Variants in PTPRM observed in about 807,000 individuals in gnomAD.
PTPRM encodes receptor-type tyrosine-protein phosphatase mu.
In PTPRM, 47 loss-of-function variants were observed where a neutral mutation model predicts 186.7. The ratio of observed to expected loss-of-function variants is 0.25; its 90% confidence interval spans 0.20 to 0.32. The LOEUF is 0.32. Ranked by LOEUF, PTPRM falls within the 10% of genes least tolerant of loss-of-function variation. The probability of loss-of-function intolerance (pLI) is 1.00; values close to 1 mark genes in which losing one functional copy is unlikely to be tolerated. For missense variants in PTPRM, 1,494 were observed against 1,865.0 expected, an observed-to-expected ratio of 0.80 and a Z score of 3.66; for synonymous variants, 668 against 674.9, an observed-to-expected ratio of 0.99 and a Z score of 0.16.
intron 2 of PTPRM, among the ~76,000 whole-genome samples, chr18:7,854,524 T>C (rs533684930): frequency 2.0e-5 from 3 of 152,178 alleles, no homozygotes; most frequent in Non-Finnish European, 2.9e-5. Context: ...TAGTATAAGA[T>C]ACTGGCAGGT....
At chr18:8,211,380 T>C (rs1287369462) in intron 14 of PTPRM, among the ~76,000 whole-genome samples, 5 of 127,836 alleles carry the variant, frequency 3.9e-5, no homozygotes, top group African/African-American at 1.2e-4. Context: ...TCTTCTTCTT[T>C]TTTTTTTTTT....
intron 14 of PTPRM, among the ~76,000 whole-genome samples, chr18:8,238,651 GTTTTTTTTTTTT>G (rs71165776): frequency 1.2e-4 from 3 of 25,758 alleles, no homozygotes; most frequent in Non-Finnish European, 2.0e-4. Flanking sequence ...TGTTTTGTGT[GTTTTTTTTTTTT>G]TTTTTTTTTT....
chr18:8,354,396 G>A (rs2095552704), intron 23 of PTPRM, among the ~76,000 whole-genome samples: 1 of 151,984 alleles, frequency 6.6e-6, no homozygotes, highest in Non-Finnish European at 1.5e-5. Context: ...AATAGGGCGA[G>A]AACAAAGAGA....
At chr18:8,366,116 G>A (rs776848066) in intron 23 of PTPRM, among the ~76,000 whole-genome samples, 2 of 152,206 alleles carry the variant, frequency 1.3e-5, no homozygotes, top group Non-Finnish European at 2.9e-5. Flanking sequence ...ATTCTAATGT[G>A]CAGGCAAATT....
intron 23 of PTPRM, among the ~76,000 whole-genome samples, chr18:8,367,371 C>A (rs2095637139): frequency 1.3e-5 from 2 of 152,260 alleles, no homozygotes; most frequent in Non-Finnish European, 2.9e-5. Flanking sequence ...TAGAAGGAAG[C>A]GGCCCCGCGC....
At chr18:8,337,748 C>T (rs940874777) in intron 22 of PTPRM, among the ~76,000 whole-genome samples, 3 of 152,084 alleles carry the variant, frequency 2.0e-5, no homozygotes, top group Non-Finnish European at 2.9e-5. Context: ...CTTTAAGTGA[C>T]GCATCAGCAG....
intron 1 of PTPRM, among the ~76,000 whole-genome samples, chr18:7,715,783 A>G (rs985023475): frequency 6.6e-6 from 1 of 152,200 alleles, no homozygotes; most frequent in Non-Finnish European, 1.5e-5. Flanking sequence ...TAAAATACCT[A>G]AGACTCTAAC....
chr18:8,077,256 C>T (rs191575592), intron 9 of PTPRM, among the ~76,000 whole-genome samples: 1 of 152,076 alleles, frequency 6.6e-6, no homozygotes, highest in Non-Finnish European at 1.5e-5. Flanking sequence ...ATGCAAATTC[C>T]ACAAAATTAT....
chr18:8,341,237 A>C (rs929300572), intron 22 of PTPRM, among the ~76,000 whole-genome samples: 1 of 152,220 alleles, frequency 6.6e-6, no homozygotes, highest in Non-Finnish European at 1.5e-5. Context: ...ATCATGTCTT[A>C]ATTTGACTTA....
At chr18:7,676,022 C>T (rs928621524) in intron 1 of PTPRM, among the ~76,000 whole-genome samples, 1 of 152,130 alleles carries the variant, frequency 6.6e-6, no homozygotes, top group Non-Finnish European at 1.5e-5. Flanking sequence ...CAGGTGTGAG[C>T]CACTGTGCCC....
chr18:8,299,294 A>G (rs2095130153), intron 20 of PTPRM, among the ~76,000 whole-genome samples: 2 of 152,180 alleles, frequency 1.3e-5, no homozygotes, highest in South Asian at 2.1e-4. Context: ...ATATTTATTC[A>G]TCACTTTCTT....
chr18:7,773,744 C>A (rs2144963399), intron 1 of PTPRM, among the ~76,000 whole-genome samples: 1 of 152,084 alleles, frequency 6.6e-6, no homozygotes, highest in African/African-American at 2.4e-5. Context: ...TCATGCCCAG[C>A]TAATTTTTGT....
chr18:7,852,109 TAAAC>T (rs1281447160), intron 2 of PTPRM, among the ~76,000 whole-genome samples: 1 of 151,150 alleles, frequency 6.6e-6, no homozygotes, highest in Non-Finnish European at 1.5e-5. Flanking sequence ...AAAGGGGAGA[TAAAC>T]AAAGAACACA....
chr18:7,885,856 T>G (rs2048756967), intron 2 of PTPRM, among the ~76,000 whole-genome samples: 1 of 152,148 alleles, frequency 6.6e-6, no homozygotes, highest in South Asian at 2.1e-4. Flanking sequence ...ATAACAGTTT[T>G]GGAAAACTGG....
At chr18:7,827,313 C>T (rs990179619) in intron 2 of PTPRM, among the ~76,000 whole-genome samples, 1 of 152,182 alleles carries the variant, frequency 6.6e-6, no homozygotes, top group African/African-American at 2.4e-5. Context: ...TATTTTTCTT[C>T]TCATAGCTGT....
intron 14 of PTPRM, among the ~76,000 whole-genome samples, chr18:8,189,031 C>T (rs1018285994): frequency 6.6e-6 from 1 of 151,884 alleles, no homozygotes; most frequent in African/African-American, 2.4e-5. Flanking sequence ...TGAGGCTGGG[C>T]GTGGTGGCTC....
chr18:8,127,852 C>G (rs909790888), intron 13 of PTPRM, among the ~76,000 whole-genome samples: 4 of 152,132 alleles, frequency 2.6e-5, no homozygotes, highest in Admixed American at 6.5e-5. Context: ...GAGGAACATT[C>G]ATGGAAGTGT....
chr18:8,209,060 A>G (rs970290635), intron 14 of PTPRM, among the ~76,000 whole-genome samples: 1 of 152,204 alleles, frequency 6.6e-6, no homozygotes, highest in Non-Finnish European at 1.5e-5. Context: ...GGGCTGCTGT[A>G]AAAGGCTTCA....
intron 14 of PTPRM, among the ~76,000 whole-genome samples, chr18:8,219,914 T>C (rs2094135476): frequency 6.6e-6 from 1 of 152,158 alleles, no homozygotes; most frequent in South Asian, 2.1e-4. Context: ...GTATGTTTAG[T>C]CAATCTTATG....
Sources: allele counts gnomAD v4.1 joint callset (sites outside exome capture counted in the v4.1 genomes callset), GRCh38; gene constraint gnomAD v4.1.1; transcripts MANE v1.5; gene names NCBI Gene and HGNC (gene_info 2026-07-23, HGNC 2026-07-21).